The following RNF170 variants were observed in gnomAD, a reference collection of about 807,000 sequenced individuals.
RNF170 encodes the protein ring finger protein 170, also known as E3 ubiquitin-protein ligase RNF170.
Under a neutral mutation model 32.7 loss-of-function variants are expected in RNF170, and 12 were observed. The ratio of observed to expected loss-of-function variants is 0.37; its 90% CI spans 0.24 to 0.60. The LOEUF (loss-of-function observed/expected upper bound fraction) is 0.60. RNF170 is among the 20% of genes least tolerant of loss of function. RNF170 has a pLI of 0.72. For synonymous variants in RNF170, 91 were observed against 103.6 expected, an observed-to-expected ratio of 0.88 and a Z score of 0.74; for missense variants, 212 against 311.2, an observed-to-expected ratio of 0.68 and a Z score of 2.40.
At chr8:42,886,040 C>T (rs537092204) in intron 2 of RNF170, among the ~76,000 whole-genome samples, 16 of 152,100 alleles carry the variant, frequency 1.1e-4, no homozygotes, top group East Asian at 5.8e-4. Context: ...CTGGCTAACA[C>T]GGTGAAACCC....
intron 2 of RNF170, among the ~76,000 whole-genome samples, chr8:42,877,890 TA>T (rs1805079270): frequency 6.6e-6 from 1 of 152,272 alleles, no homozygotes; most frequent in Non-Finnish European, 1.5e-5. Context: ...ATCCTGATTT[TA>T]TTTTGTTTCA....
In RNF170 at chr8:42,887,888, C is replaced by G. The variant is rs1805957673; in HGVS notation, c.-7-17G>C. The G allele has an allele frequency of 5.0e-6, 8 of 1,609,052 alleles. No individual in the cohort carries two copies. Among genetic ancestry groups the G allele is most frequent in the Non-Finnish European group, 6.0e-6 (7 of 1,175,650 alleles). On this transcript the variant is annotated splice_polypyrimidine_tract_variant and intron_variant, in intron 1 of 6. Coordinates refer to ENST00000527424, the MANE Select transcript of RNF170 (RefSeq NM_030954.4). ...ATTCCAGGTCTAAAATAAGAAGAAACAAGATGAGAGTTACAAATGACACAG... is the reference window on the plus strand; with the variant it reads ...ATTCCAGGTCTAAAATAAGAAGAAAGAAGATGAGAGTTACAAATGACACAG...
At chr8:42,877,635 T>C (rs917284156) in intron 2 of RNF170, among the ~76,000 whole-genome samples, 1 of 152,132 alleles carries the variant, frequency 6.6e-6, no homozygotes, top group African/African-American at 2.4e-5. Context: ...AAACTCAAAA[T>C]GCATCAAAGG....
intron 4 of RNF170, among the ~76,000 whole-genome samples, chr8:42,867,793 A>G (rs1272403047): frequency 2.0e-5 from 3 of 150,700 alleles, no homozygotes; most frequent in African/African-American, 4.8e-5. Context: ...AAAAAAAAAA[A>G]AAAAAAGAAA....
At chr8:42,865,191 A>T (rs1038323624) in intron 5 of RNF170, among the ~76,000 whole-genome samples, 1 of 151,988 alleles carries the variant, frequency 6.6e-6, no homozygotes, top group African/African-American at 2.4e-5. Context: ...CAGGAGGTCG[A>T]GGCTGCAGGA....
rs1198392483 is a variant in RNF170 at position 42,854,356 on chromosome 8, A to T, written c.*1803T>A. 2 of 1,287,216 alleles carry T rather than the reference A, an allele frequency of 1.6e-6. No homozygotes were observed. The highest frequency in any genetic ancestry group is 4.6e-5 in the Admixed American group (2 of 43,554). 79.7% of individuals were successfully genotyped at this position (1,287,216 alleles called of 1,614,324 possible). On this transcript the variant is annotated 3_prime_UTR_variant, in exon 7 of 7. Coordinates refer to ENST00000527424, the MANE Select transcript of RNF170 (RefSeq NM_030954.4). ...GAAATTTTGGTGTAATGCCACTTTG[A>T]TCAGTTATTTGTTGTATGACTTCAT...
At chr8:42,861,639 G>A in intron 6 of RNF170, 106 bp downstream of exon 6, 1 of 946,930 alleles carries the variant, frequency 1.1e-6, no homozygotes, top group Non-Finnish European at 1.7e-6. Context: ...TACTGTGCCT[G>A]GCCAAGATTT....
chr8:42,881,517 T>C (rs1805403923), intron 2 of RNF170: 1 of 152,122 alleles, frequency 6.6e-6, no homozygotes, highest in Admixed American at 6.6e-5. Flanking sequence ...AATGGTAGAC[T>C]AGATAAAGAA....
intron 1 of RNF170, among the ~76,000 whole-genome samples, chr8:42,892,361 C>T (rs2130198005): frequency 6.6e-6 from 1 of 152,186 alleles, no homozygotes; most frequent in Non-Finnish European, 1.5e-5. Flanking sequence ...AGATGGGTTT[C>T]ACCATCTTGC....
chr8:42,890,467 TG>T (rs1173928406), intron 1 of RNF170, among the ~76,000 whole-genome samples: 3 of 151,798 alleles, frequency 2.0e-5, no homozygotes, highest in African/African-American at 7.3e-5. Context: ...TTAGTAGAGA[TG>T]GGGTTTCACT....
intron 1 of RNF170, among the ~76,000 whole-genome samples, chr8:42,892,088 A>T (rs1806351111): frequency 6.6e-6 from 1 of 152,188 alleles, no homozygotes; most frequent in Non-Finnish European, 1.5e-5. Context: ...CACTGACCTA[A>T]GTGGCATGAC....
At chr8:42,891,720 G>A (rs570290213) in intron 1 of RNF170, among the ~76,000 whole-genome samples, 2 of 152,138 alleles carry the variant, frequency 1.3e-5, no homozygotes, top group Admixed American at 1.3e-4. Context: ...CTTTAAACTC[G>A]ATTTTGACCT....
chr8:42,855,033 C>A lies in RNF170; in HGVS notation c.*1126G>T, dbSNP rs776419857. 1.9e-5 allele frequency: 24 copies of A among 1,287,102 alleles called. No homozygotes were observed. The Middle Eastern group carries it at 1.6e-3, about 87-fold the overall frequency. The allele number at this position is 1,287,102 out of a possible 1,614,324, so 79.7% of individuals were successfully genotyped here. On this transcript the variant is annotated 3_prime_UTR_variant, in exon 7 of 7. Transcript: ENST00000527424. The stretch of plus-strand genomic sequence containing the variant: ...ACCGTTCCCAGTACCTTCCTATTGG[C>A]TTGATGCTCAAAGACACGAAGATTC...
At chr8:42,856,606 T>TA (rs1274677849) in intron 6 of RNF170, among the ~76,000 whole-genome samples, 178 bp from the exon 7 acceptor site, 1 of 152,234 alleles carries the variant, frequency 6.6e-6, no homozygotes, top group East Asian at 1.9e-4. Flanking sequence ...TACTAGTTCT[T>TA]ACAGAATAGA....
chr8:42,885,026 T>C (rs1374771821), intron 2 of RNF170, among the ~76,000 whole-genome samples: 1 of 88,404 alleles, frequency 1.1e-5, no homozygotes, highest in Non-Finnish European at 2.4e-5. Flanking sequence ...TGCATCTGTG[T>C]AACTGAAACT....
At chr8:42,865,261 AAAT>A (rs923288604) in intron 5 of RNF170, among the ~76,000 whole-genome samples, 152 bp downstream of exon 5, 3 of 151,290 alleles carry the variant, frequency 2.0e-5, no homozygotes, top group Non-Finnish European at 4.4e-5. Flanking sequence ...AAAAAAATAA[AAAT>A]AATAATAATA....
At chr8:42,883,359 G>T (rs1375400179) in intron 2 of RNF170, among the ~76,000 whole-genome samples, 1 of 152,030 alleles carries the variant, frequency 6.6e-6, no homozygotes, top group Non-Finnish European at 1.5e-5. Context: ...GGTGATGATG[G>T]TTACACAACA....
At chr8:42,861,460 C>T (rs1803653586) in intron 6 of RNF170, 1 of 330,434 alleles carries the variant, frequency 3.0e-6, no homozygotes, top group Non-Finnish European at 5.8e-6. Flanking sequence ...CCCATTTCAG[C>T]CTCCCAAGAA....
intron 2 of RNF170, among the ~76,000 whole-genome samples, chr8:42,877,010 G>GTCTTGTTC (rs1804999068): frequency 2.0e-5 from 3 of 147,564 alleles, no homozygotes; most frequent in Admixed American, 7.0e-5. Flanking sequence ...CTGGGGTGCA[G>GTCTTGTTC]TGGCGCCATC....
Sources: allele counts gnomAD v4.1 joint callset (sites outside exome capture counted in the v4.1 genomes callset), GRCh38; gene constraint gnomAD v4.1.1; transcripts MANE v1.5; gene names NCBI Gene and HGNC (gene_info 2026-07-23, HGNC 2026-07-21).